CAMKV: variants seen among roughly 807,000 people sequenced by gnomAD.
CAMKV encodes CaM kinase like vesicle associated.
Under a neutral mutation model 50.2 loss-of-function variants are expected in CAMKV, and 5 were observed. The observed-to-expected ratio is 0.10, with a 90% CI of 0.05 to 0.21. The LOEUF is 0.21. Ranked by LOEUF, CAMKV falls within the 10% of genes least tolerant of loss-of-function variation. CAMKV has a pLI of 1.00. For synonymous variants in CAMKV, 229 were observed against 250.1 expected (o/e 0.92, Z 0.80); for missense variants, 361 against 650.5 (o/e 0.55, Z 4.84).
intron 1 of CAMKV, among the ~76,000 whole-genome samples, chr3:49,866,851 G>T (rs1255816053): frequency 6.6e-6 from 1 of 152,224 alleles, no homozygotes; most frequent in Non-Finnish European, 1.5e-5. Flanking sequence ...CCCCACATTG[G>T]GGTCCTGTCC....
Position 49,860,634 on chromosome 3 carries a change from G to T in CAMKV, c.775+82C>A. 6.2e-7 allele frequency: 1 copy of T among 1,611,014 alleles called. No individual in the cohort carries two copies. On this transcript the variant is annotated intron_variant, in intron 8 of 10. Coordinates refer to ENST00000477224, the MANE Select transcript of CAMKV (RefSeq NM_024046.5). The surrounding 1 kb of genome is among the most constrained non-coding windows in gnomAD (Gnocchi z 6.1). ...ATAAATGGGCTGGGGGACAGAAGCA[G>T]AATACCACAGAGGAAGATGAGAGCA...
rs1311151787 is a variant in CAMKV at position 49,862,660 on chromosome 3, T to C, written c.-14-258A>G. ...AAGCTGATATATAAGGGAATAGTTT[T>C]GTATTCTATACATTCAAAAAAAAGG... On this transcript the variant is annotated intron_variant, in intron 1 of 10. Coordinates refer to ENST00000477224, the MANE Select transcript of CAMKV (RefSeq NM_024046.5). The surrounding 1 kb of genome is among the most constrained non-coding windows in gnomAD (Gnocchi z 5.2). Among the ~76,000 whole-genome samples the C allele has an allele frequency of 1.3e-5, 2 of 152,256 alleles. No individual in the cohort carries two copies. Among genetic ancestry groups the C allele is most frequent in the Non-Finnish European group, 2.9e-5 (2 of 68,050 alleles).
intron 1 of CAMKV, among the ~76,000 whole-genome samples, chr3:49,866,167 CAA>C (rs930912026): frequency 1.3e-5 from 2 of 152,150 alleles, no homozygotes; most frequent in Admixed American, 1.3e-4. Context: ...GGCCCCAGGG[CAA>C]AGAGAGGAGA....
At chr3:49,868,371 A>G (rs1188429036) in intron 1 of CAMKV, among the ~76,000 whole-genome samples, 3 of 152,226 alleles carry the variant, frequency 2.0e-5, no homozygotes, top group Admixed American at 2.0e-4. Flanking sequence ...AGATCCTGCC[A>G]TGAGTGCCAG....
At position 49,860,730 on chromosome 3, in the gene CAMKV, T is replaced by G. The variant is rs768011837; in HGVS notation, c.761A>C (p.Asp254Ala). 10 of 1,614,004 alleles carry G rather than the reference T, an allele frequency of 6.2e-6. No individual in the cohort carries two copies. The highest frequency in any genetic ancestry group is 1.3e-5 in the African/African-American group (1 of 74,894). ...DYEFDSPYWD[D>A]ISQAAKDLVT... The stretch of plus-strand genomic sequence containing the variant: ...CACCTCCTCACCTGCCTGCGAAATA[T>G]CATCCCAATATGGAGAGTCAAACTC... The change falls in exon 8 of 11, where the codon GAT becomes GCT. Residue 254 changes from aspartate (D) to alanine (A), a missense_variant. Transcript: ENST00000477224. This position sits in a 1 kb window ranked among gnomAD's most constrained non-coding sequence, Gnocchi z 6.1.
rs1292115572 is a variant in CAMKV, at chr3:49,869,339, G to A, written c.-15+419C>T. ...CCCGCCCAGCCCCCTCCGGGTTGTC[G>A]CCCATAAAGAACTCTCCGTTGTCAT... is the stretch of plus-strand genomic sequence containing the variant. On this transcript the variant is annotated intron_variant, in intron 1 of 10. Transcript: ENST00000477224. This position sits in a 1 kb window ranked among gnomAD's most constrained non-coding sequence, Gnocchi z 5.2. 6.6e-6 allele frequency among the ~76,000 whole-genome samples: 1 copy of A among 152,090 alleles called. No individual in the cohort carries two copies. Among genetic ancestry groups the A allele is most frequent in the Non-Finnish European group, 1.5e-5 (1 of 68,012 alleles).
chr3:49,861,650 C>T lies in CAMKV; in HGVS notation c.303-73G>A, dbSNP rs2082022548. 6.2e-7 allele frequency: 1 copy of T among 1,607,186 alleles called. No homozygotes were observed. Among genetic ancestry groups the T allele is most frequent in the Non-Finnish European group, 8.5e-7 (1 of 1,175,470 alleles). On this transcript the variant is annotated intron_variant, in intron 4 of 10. Coordinates refer to ENST00000477224, the MANE Select transcript of CAMKV (RefSeq NM_024046.5). This position sits in a 1 kb window ranked among gnomAD's most constrained non-coding sequence, Gnocchi z 7.7. Reference sequence around the variant, plus strand: ...GGGCAGGAGCACTTGGGTGAGCTGCCTACGCCAGGCAGCTGGCTGAGCAAG... The same window carrying T: ...GGGCAGGAGCACTTGGGTGAGCTGCTTACGCCAGGCAGCTGGCTGAGCAAG...
chr3:49,864,513 TAG>T (rs2082048570), intron 1 of CAMKV, among the ~76,000 whole-genome samples: 1 of 151,820 alleles, frequency 6.6e-6, no homozygotes, highest in African/African-American at 2.4e-5. Context: ...TCTGTAGTGC[TAG>T]GGGGGCTGAC....
At position 49,859,519 on chromosome 3, in the gene CAMKV, T is replaced by C; in HGVS notation, c.1305A>G (p.Thr435=). 6.2e-7 allele frequency: 1 copy of C among 1,601,862 alleles called. No homozygotes were observed. Among genetic ancestry groups the C allele is most frequent in the Non-Finnish European group, 8.5e-7 (1 of 1,175,548 alleles). The change falls in exon 11 of 11, where the codon ACA becomes ACG. Residue 435 remains threonine, a synonymous_variant. Transcript: ENST00000477224. The surrounding 1 kb of genome is among the most constrained non-coding windows in gnomAD (Gnocchi z 5.5). ...SATPATDGRA[T]PATEESTVPT... ...GCACAGTGCTCTCTTCTGTGGCTGG[T>C]GTGGCTCTCCCATCAGTGGCTGGAG...
Position 49,861,321 on chromosome 3 carries a change from G to T in CAMKV, c.442-21C>A. 1 of 1,614,116 alleles carries T rather than the reference G, an allele frequency of 6.2e-7. No homozygotes were observed. Reference sequence around the variant, plus strand: ...TCCAGCTGTGGTGTGAGAATAGCATGTGGGTGAGCAGAAGACACCATGAGG... The same window carrying T: ...TCCAGCTGTGGTGTGAGAATAGCATTTGGGTGAGCAGAAGACACCATGAGG... On this transcript the variant is annotated intron_variant, in intron 5 of 10. Transcript: ENST00000477224. The surrounding 1 kb of genome is among the most constrained non-coding windows in gnomAD (Gnocchi z 7.7).
intron 1 of CAMKV, among the ~76,000 whole-genome samples, chr3:49,863,834 AT>A (rs1397647750): frequency 1.3e-5 from 2 of 151,402 alleles, no homozygotes; most frequent in Non-Finnish European, 2.9e-5. Flanking sequence ...ATTTTTAAAA[AT>A]TTTTTTGTAG....
rs750614972 is a variant in CAMKV, at chr3:49,862,131, G to C, written c.141C>G (p.Gly47=). ...GGAACTTCTTGCAGGTGTGCAGCTT[G>C]CCTGTCGTCTTGTCCTTGGCCCGGA... The part of the protein sequence containing the change: ...EIFRAKDKTT[G]KLHTCKKFQK... Residue 47 remains glycine, a synonymous_variant, in exon 3 of 11, where the codon GGC becomes GGG. Coordinates refer to ENST00000477224, the MANE Select transcript of CAMKV (RefSeq NM_024046.5). The surrounding 1 kb of genome is among the most constrained non-coding windows in gnomAD (Gnocchi z 5.2). 1 of 1,614,134 alleles carries C rather than the reference G, an allele frequency of 6.2e-7. No homozygotes were observed. The highest frequency in any genetic ancestry group is 1.1e-5 in the South Asian group (1 of 91,080).
chr3:49,859,804 G>A lies in CAMKV; in HGVS notation c.1020C>T (p.Ala340=). Residue 340 remains alanine, a synonymous_variant, in exon 11 of 11, where the codon GCC becomes GCT. Transcript: ENST00000477224. This position sits in a 1 kb window ranked among gnomAD's most constrained non-coding sequence, Gnocchi z 5.5. ...EQSSTAAAQS[A]SATDTATPGA... The stretch of plus-strand genomic sequence containing the variant: ...CGGGGGTGGCAGTGTCTGTGGCTGA[G>A]GCCGACTGGGCTGCAGCCGTGCTGG... 4 of 1,546,734 alleles carry A rather than the reference G, an allele frequency of 2.6e-6. No individual in the cohort carries two copies. Among genetic ancestry groups the A allele is most frequent in the Non-Finnish European group, 3.5e-6 (4 of 1,150,102 alleles).
Position 49,861,173 on chromosome 3 carries a change from T to G in CAMKV, c.562+7A>C. 3 of 1,170,464 alleles carry G rather than the reference T, an allele frequency of 2.6e-6. No homozygotes were observed. The highest frequency in any genetic ancestry group is 3.6e-6 in the Non-Finnish European group (3 of 830,206). The allele number at this position is 1,170,464 out of a possible 1,614,324, so 72.5% of individuals were successfully genotyped here. On this transcript the variant is annotated splice_region_variant and intron_variant, in intron 6 of 10. Transcript: ENST00000477224. The surrounding 1 kb of genome is among the most constrained non-coding windows in gnomAD (Gnocchi z 7.7). ...ATCCCCCTGCCCCTGCCCCACCCCC[T>G]GCTTGCCCAGATACTCGGGGGTCCC...
rs529921491 is a variant in CAMKV at position 49,869,552 on chromosome 3, C to T, written c.-15+206G>A. Among the ~76,000 whole-genome samples the T allele has an allele frequency of 1.6e-4, 24 of 152,270 alleles. No homozygotes were observed. The highest frequency in any genetic ancestry group is 5.8e-4 in the African/African-American group (24 of 41,574). ...GAAGCTTCCCCCCAGAACCCCCAAGCCGTCCGAGGTAATGGGGAACTTTAG... is the reference window on the plus strand; with the variant it reads ...GAAGCTTCCCCCCAGAACCCCCAAGTCGTCCGAGGTAATGGGGAACTTTAG... On this transcript the variant is annotated intron_variant, in intron 1 of 10. Coordinates refer to ENST00000477224, the MANE Select transcript of CAMKV (RefSeq NM_024046.5). This position sits in a 1 kb window ranked among gnomAD's most constrained non-coding sequence, Gnocchi z 5.2.
intron 1 of CAMKV, among the ~76,000 whole-genome samples, chr3:49,868,278 C>T (rs1463098222): frequency 6.6e-6 from 1 of 152,166 alleles, no homozygotes; most frequent in South Asian, 2.1e-4. Flanking sequence ...ACCCCTCCCC[C>T]ATCTGCTATC....
Position 49,858,095 on chromosome 3 carries a change from A to C in CAMKV, c.*1223T>G. On this transcript the variant is annotated 3_prime_UTR_variant, in exon 11 of 11. Coordinates refer to ENST00000477224, the MANE Select transcript of CAMKV (RefSeq NM_024046.5). ...ACAGGCATGCAGGGAGAAGGGCAGG[A>C]CCACCACGGAGTGCCGAGCAAGGGC... is the stretch of plus-strand genomic sequence containing the variant. The C allele has an allele frequency of 2.5e-6, 1 of 396,098 alleles. No homozygotes were observed. Among genetic ancestry groups the C allele is most frequent in the Non-Finnish European group, 4.4e-6 (1 of 224,890 alleles). 24.5% of individuals were successfully genotyped at this position (396,098 alleles called of 1,614,324 possible).
intron 1 of CAMKV, among the ~76,000 whole-genome samples, chr3:49,863,198 C>A (rs1405624252): frequency 1.3e-5 from 2 of 152,114 alleles, no homozygotes; most frequent in Non-Finnish European, 2.9e-5. Flanking sequence ...CAGAACAAAC[C>A]CGTAAGGGGG....
Position 49,858,875 on chromosome 3 carries a change from G to T in CAMKV, c.*443C>A. On this transcript the variant is annotated 3_prime_UTR_variant, in exon 11 of 11. Coordinates refer to ENST00000477224, the MANE Select transcript of CAMKV (RefSeq NM_024046.5). ...CCTTCATGTGCAGGAGCCTAAGACC[G>T]CTGACAGGGCCTCGCTGGAGGACCA... 5.6e-6 allele frequency: 1 copy of T among 177,282 alleles called. No homozygotes were observed. Among genetic ancestry groups the T allele is most frequent in the Non-Finnish European group, 1.2e-5 (1 of 82,920 alleles). The allele number at this position is 177,282 out of a possible 1,614,324, so 11.0% of individuals were successfully genotyped here.
Sources: allele counts gnomAD v4.1 joint callset (sites outside exome capture counted in the v4.1 genomes callset), GRCh38; gene constraint gnomAD v4.1.1; non-coding constraint Gnocchi (gnomAD v3.1); transcripts MANE v1.5; gene names NCBI Gene and HGNC (gene_info 2026-07-23, HGNC 2026-07-21).